Variants in LTBP1 observed in about 807,000 individuals in gnomAD.
The protein encoded by LTBP1 is latent-transforming growth factor beta-binding protein 1.
In LTBP1, 129 loss-of-function variants were observed where a neutral mutation model predicts 207.6. The observed-to-expected ratio is 0.62, with a 90% CI of 0.54 to 0.72. LTBP1 has a LOEUF of 0.72. LTBP1 is among the 30% of genes least tolerant of loss of function. The pLI is 0.00. For missense variants in LTBP1, 2,281 were observed against 2,217.2 expected (o/e 1.03, Z -0.58); for synonymous variants, 963 against 833.7 (o/e 1.16, Z -2.67).
intron 3 of LTBP1, among the ~76,000 whole-genome samples, chr2:33,044,813 G>A (rs1419378202): frequency 1.3e-5 from 2 of 152,060 alleles, no homozygotes; most frequent in East Asian, 1.9e-4. Context: ...TTCTAACTGG[G>A]ATGAGATGGT....
At chr2:33,251,664 C>CAAAA (rs537403994) in intron 10 of LTBP1, among the ~76,000 whole-genome samples, 4 of 65,842 alleles carry the variant, frequency 6.1e-5, no homozygotes, top group Non-Finnish European at 8.4e-5. Context: ...GACTCAGTCT[C>CAAAA]AAAAAAAAAA....
At chr2:33,201,160 A>G (rs1448431585) in intron 7 of LTBP1, among the ~76,000 whole-genome samples, 2 of 152,190 alleles carry the variant, frequency 1.3e-5, no homozygotes, top group Non-Finnish European at 2.9e-5. Flanking sequence ...TCATGCTGCT[A>G]TAAAGACACA....
At chr2:33,361,619 T>A (rs1238310483) in intron 28 of LTBP1, 104 bp downstream of exon 28, 2 of 736,168 alleles carry the variant, frequency 2.7e-6, no homozygotes, top group Non-Finnish European at 4.4e-6. Flanking sequence ...TTTTTAGTCA[T>A]GAAAACTGAT....
intron 3 of LTBP1, among the ~76,000 whole-genome samples, chr2:33,053,094 C>A (rs1387142572): frequency 2.6e-5 from 4 of 152,192 alleles, no homozygotes; most frequent in Non-Finnish European, 5.9e-5. Context: ...TCGTCTTGAA[C>A]TCCTGACCTC....
chr2:32,952,677 C>G (rs1428460243), intron 2 of LTBP1, among the ~76,000 whole-genome samples: 1 of 152,148 alleles, frequency 6.6e-6, no homozygotes, highest in Non-Finnish European at 1.5e-5. Context: ...GAACCTCCCC[C>G]CATGCCCTGC....
chr2:32,951,805 C>T (rs546088924), intron 2 of LTBP1, among the ~76,000 whole-genome samples: 9 of 152,288 alleles, frequency 5.9e-5, no homozygotes, highest in East Asian at 3.9e-4. Context: ...TCTCCTTTGT[C>T]GATGATTTGG....
intron 12 of LTBP1, among the ~76,000 whole-genome samples, chr2:33,257,919 G>A (rs1465254672): frequency 6.6e-6 from 1 of 152,224 alleles, no homozygotes; most frequent in Non-Finnish European, 1.5e-5. Context: ...CTAATGGGCA[G>A]TCAAGGATAA....
intron 22 of LTBP1, among the ~76,000 whole-genome samples, chr2:33,306,234 C>T (rs1220363927): frequency 1.3e-5 from 2 of 152,236 alleles, no homozygotes; most frequent in African/African-American, 4.8e-5. Flanking sequence ...CATTATTTGT[C>T]TTAGATTTTG....
At chr2:33,126,058 A>G (rs2081414202) in intron 4 of LTBP1, among the ~76,000 whole-genome samples, 1 of 151,542 alleles carries the variant, frequency 6.6e-6, no homozygotes, top group South Asian at 2.1e-4. Context: ...TTGGCAGGAG[A>G]TTTCAGTTCT....
intron 24 of LTBP1, among the ~76,000 whole-genome samples, chr2:33,339,847 G>C (rs530887022): frequency 3.1e-4 from 47 of 152,050 alleles, no homozygotes; most frequent in African/African-American, 1.1e-3. Context: ...GTTTCTCCAA[G>C]TTGGTCAGGC....
chr2:33,049,381 T>G (rs774449854), intron 3 of LTBP1, among the ~76,000 whole-genome samples: 2 of 152,226 alleles, frequency 1.3e-5, no homozygotes, highest in Non-Finnish European at 2.9e-5. Context: ...ATGAGTGTTA[T>G]GACTTTGTAA....
rs747777539 is a variant in LTBP1, at chr2:33,134,875, C to T, written c.1116C>T (p.Asn372=). 4 of 1,614,124 alleles carry T rather than the reference C, an allele frequency of 2.5e-6. No homozygotes were observed. The South Asian group carries it at 4.4e-5, about 18-fold the overall frequency. ...KVTCTKGSCQ[N]SCEKGNTTTL... ...CCTGCACCAAGGGCAGCTGTCAGAACAGCTGTGAGAAGGGGAACACCACCA... is the reference window on the plus strand; with the variant it reads ...CCTGCACCAAGGGCAGCTGTCAGAATAGCTGTGAGAAGGGGAACACCACCA... The change falls in exon 5 of 34, where the codon AAC becomes AAT. Residue 372 remains asparagine, a synonymous_variant. Coordinates refer to ENST00000404816, the MANE Select transcript of LTBP1 (RefSeq NM_206943.4). This position sits in a 1 kb window ranked among gnomAD's most constrained non-coding sequence, Gnocchi z 4.4.
intron 20 of LTBP1, among the ~76,000 whole-genome samples, chr2:33,293,744 A>G (rs1295484272): frequency 6.6e-6 from 1 of 152,198 alleles, no homozygotes; most frequent in African/African-American, 2.4e-5. Context: ...GTCATTAATG[A>G]ATATTCATAT....
chr2:33,172,828 C>G (rs867464149), intron 5 of LTBP1, among the ~76,000 whole-genome samples: 2 of 152,080 alleles, frequency 1.3e-5, no homozygotes, highest in Admixed American at 6.6e-5. Flanking sequence ...TGCAATCAAA[C>G]TAGAACTCAG....
chr2:33,293,727 A>C (rs1045087545), intron 20 of LTBP1, among the ~76,000 whole-genome samples: 7 of 152,214 alleles, frequency 4.6e-5, no homozygotes, highest in Admixed American at 3.9e-4. Context: ...TAACAATCTT[A>C]CATAATGTCA....
At chr2:32,959,746 G>A (rs1429250469) in intron 2 of LTBP1, among the ~76,000 whole-genome samples, 4 of 149,806 alleles carry the variant, frequency 2.7e-5, no homozygotes, top group Non-Finnish European at 5.9e-5. Context: ...TCAGCCACCC[G>A]AGTAGCTGGG....
intron 4 of LTBP1, among the ~76,000 whole-genome samples, chr2:33,122,244 C>A (rs1252089825): frequency 6.6e-6 from 1 of 152,180 alleles, no homozygotes; most frequent in African/African-American, 2.4e-5. Context: ...CTCTGGTCTG[C>A]TGACCTGCCA....
rs1305086091 is a variant in LTBP1 at position 33,397,292 on chromosome 2, A to G, written c.4984+10A>G. On this transcript the variant is annotated intron_variant, in intron 33 of 33. Transcript: ENST00000404816. ...AAGATGACCTGTGTCGGTAAGAATGACGTGTGTTTTATGGGACATTAATTT... is the reference window on the plus strand; with the variant it reads ...AAGATGACCTGTGTCGGTAAGAATGGCGTGTGTTTTATGGGACATTAATTT... The G allele has an allele frequency of 3.7e-6, 6 of 1,613,888 alleles. No individual in the cohort carries two copies. The highest frequency in any genetic ancestry group is 1.6e-4 in the Middle Eastern group (1 of 6,062).
intron 8 of LTBP1, among the ~76,000 whole-genome samples, chr2:33,219,917 G>T (rs982220747): frequency 1.4e-4 from 21 of 151,312 alleles, no homozygotes; most frequent in African/African-American, 4.9e-4. Flanking sequence ...GTCTAGAATT[G>T]CGTCATTTTT....
Sources: gnomAD v4.1 joint callset for allele counts (sites outside exome capture counted in the v4.1 genomes callset) on GRCh38, gnomAD v4.1.1 for gene constraint, Gnocchi (gnomAD v3.1) non-coding constraint, MANE v1.5 for transcripts, NCBI Gene and HGNC (gene_info 2026-07-23, HGNC 2026-07-21) for gene names.